Variants in CDH18 observed in about 807,000 individuals in gnomAD.
CDH18 encodes cadherin 18.
A neutral mutation model predicts 67.9 loss-of-function variants in CDH18; 31 were observed. That is an observed-to-expected ratio of 0.46 (90% CI 0.34 to 0.62). The LOEUF is 0.62. Ranked by LOEUF, CDH18 falls within the 20% of genes least tolerant of loss-of-function variation. The pLI is 0.01. For synonymous variants in CDH18, 362 were observed against 347.2 expected, an observed-to-expected ratio of 1.04 and a Z score of -0.48; for missense variants, 890 against 975.5, an observed-to-expected ratio of 0.91 and a Z score of 1.17.
intron 1 of CDH18, among the ~76,000 whole-genome samples, chr5:20,273,680 C>T (rs1489999042): frequency 6.6e-6 from 1 of 151,952 alleles, no homozygotes; most frequent in Admixed American, 6.6e-5. Context: ...AAATACATTG[C>T]TACTATTTCT....
At chr5:20,157,330 A>G (rs1355936660) in intron 2 of CDH18, among the ~76,000 whole-genome samples, 1 of 152,202 alleles carries the variant, frequency 6.6e-6, no homozygotes, top group African/African-American at 2.4e-5. Context: ...AAGAATGTAA[A>G]CAATGTTTTC....
chr5:19,705,121 G>T (rs1055958297), intron 5 of CDH18, among the ~76,000 whole-genome samples: 1 of 152,120 alleles, frequency 6.6e-6, no homozygotes, highest in East Asian at 1.9e-4. Flanking sequence ...GAACTTACTC[G>T]TAAAAAATTT....
At chr5:19,960,607 AC>A (rs1796727116) in intron 2 of CDH18, among the ~76,000 whole-genome samples, 1 of 129,258 alleles carries the variant, frequency 7.7e-6, no homozygotes, top group African/African-American at 3.9e-5. Context: ...ATATATACAC[AC>A]ACGTGTATAT....
At chr5:20,139,035 T>C (rs191768782) in intron 2 of CDH18, among the ~76,000 whole-genome samples, 1,523 of 152,228 alleles carry the variant, frequency 0.01, 15 homozygotes, top group Middle Eastern at 0.02. Context: ...AGAACAAAGC[T>C]GGAGGCATCA....
intron 2 of CDH18, among the ~76,000 whole-genome samples, chr5:20,115,823 G>A (rs797004808): frequency 6.6e-6 from 1 of 151,998 alleles, no homozygotes; most frequent in Non-Finnish European, 1.5e-5. Context: ...TGAGTAAAGT[G>A]GTTGCTTCCT....
At chr5:19,911,724 G>A (rs1791166026) in intron 2 of CDH18, among the ~76,000 whole-genome samples, 1 of 151,936 alleles carries the variant, frequency 6.6e-6, no homozygotes, top group South Asian at 2.1e-4. Context: ...CTCTAGAACT[G>A]TGAGAATTAA....
chr5:19,981,440 C>T (rs1321035182), intron 1 of CDH18, among the ~76,000 whole-genome samples: 1 of 152,138 alleles, frequency 6.6e-6, no homozygotes, highest in Non-Finnish European at 1.5e-5. Context: ...TTTATTTCCT[C>T]ACAGTTCAGT....
intron 3 of CDH18, among the ~76,000 whole-genome samples, chr5:19,760,953 G>A (rs1264169103): frequency 1.3e-5 from 2 of 152,214 alleles, no homozygotes; most frequent in East Asian, 3.9e-4. Flanking sequence ...TACTGGGGAT[G>A]GGGAAGCTCT....
chr5:19,498,792 C>G (rs1412972763), intron 11 of CDH18, among the ~76,000 whole-genome samples: 2 of 152,142 alleles, frequency 1.3e-5, no homozygotes, highest in Admixed American at 6.6e-5. Flanking sequence ...ATCTTAGGGC[C>G]TTTAGGCTTG....
At chr5:19,904,930 G>A (rs115523674) in intron 2 of CDH18, among the ~76,000 whole-genome samples, 472 of 152,236 alleles carry the variant, frequency 3.1e-3, no homozygotes, top group African/African-American at 0.011. Context: ...CCACAAAACA[G>A]AGTACAGTCT....
At chr5:20,515,802 T>C (rs1402960943) in intron 1 of CDH18, among the ~76,000 whole-genome samples, 1 of 152,054 alleles carries the variant, frequency 6.6e-6, no homozygotes. Context: ...ATGCCAGTTT[T>C]ATAGCTTCCT....
At chr5:19,532,374 A>G (rs1489827596) in intron 9 of CDH18, among the ~76,000 whole-genome samples, 3 of 152,200 alleles carry the variant, frequency 2.0e-5, no homozygotes, top group African/African-American at 7.2e-5. Flanking sequence ...GTTAAGAAGT[A>G]CCTTATACAT....
At chr5:20,451,560 A>T (rs1379862264) in intron 1 of CDH18, among the ~76,000 whole-genome samples, 2 of 152,196 alleles carry the variant, frequency 1.3e-5, no homozygotes, top group Admixed American at 1.3e-4. Flanking sequence ...GTAATTATTA[A>T]TCAAGAAATG....
chr5:20,477,274 C>T (rs6881267), intron 1 of CDH18, among the ~76,000 whole-genome samples: 8,370 of 152,108 alleles, frequency 0.055, 756 homozygotes, highest in African/African-American at 0.19. Flanking sequence ...TCATCCTGCA[C>T]GCTCAACTAT....
At chr5:20,136,987 G>T (rs1749784730) in intron 2 of CDH18, among the ~76,000 whole-genome samples, 1 of 152,198 alleles carries the variant, frequency 6.6e-6, no homozygotes, top group South Asian at 2.1e-4. Context: ...TCCCTTTGTG[G>T]GTAACCCAAC....
intron 2 of CDH18, among the ~76,000 whole-genome samples, chr5:20,076,195 A>G (rs1561770618): frequency 6.6e-6 from 1 of 152,190 alleles, no homozygotes; most frequent in Non-Finnish European, 1.5e-5. Flanking sequence ...TACATTTATT[A>G]CATATTGCTA....
chr5:20,150,450 T>C (rs563173894), intron 2 of CDH18, among the ~76,000 whole-genome samples: 2 of 151,964 alleles, frequency 1.3e-5, no homozygotes, highest in Admixed American at 6.6e-5. Context: ...TAAGTTCAGA[T>C]AGACATAAAG....
At chr5:19,676,681 A>G (rs941568315) in intron 5 of CDH18, among the ~76,000 whole-genome samples, 1 of 151,998 alleles carries the variant, frequency 6.6e-6, no homozygotes, top group African/African-American at 2.4e-5. Context: ...TCAGCAATCC[A>G]CCGGGAAAGT....
chr5:19,524,173 TTATA>T (rs1229257949), intron 9 of CDH18, among the ~76,000 whole-genome samples: 2 of 151,700 alleles, frequency 1.3e-5, no homozygotes, highest in Admixed American at 1.3e-4. Context: ...AAGAATTACA[TTATA>T]TATATGTTAA....
Sources: allele counts gnomAD v4.1 joint callset (sites outside exome capture counted in the v4.1 genomes callset), GRCh38; gene constraint gnomAD v4.1.1; transcripts MANE v1.5; gene names NCBI Gene and HGNC (gene_info 2026-07-23, HGNC 2026-07-21).